OVCH1: variants seen among roughly 807,000 people sequenced by gnomAD.
OVCH1 encodes ovochymase 1.
A neutral mutation model predicts 138.4 loss-of-function variants in OVCH1; 139 were observed. That is an observed-to-expected ratio of 1.00 (90% CI 0.87 to 1.16). The LOEUF (loss-of-function observed/expected upper bound fraction) is 1.16. Among genes scored for constraint, OVCH1 ranks in the 50% most tolerant of loss-of-function variants. The pLI, the probability that OVCH1 is intolerant of heterozygous loss-of-function variation, is 0.00. For synonymous variants in OVCH1, 453 were observed against 467.8 expected, an observed-to-expected ratio of 0.97 and a Z score of 0.41; for missense variants, 1,367 against 1,357.9, an observed-to-expected ratio of 1.01 and a Z score of -0.11.
At chr12:29,486,217 TCAGCTTC>T (rs1177399824) in intron 8 of OVCH1, 26 bp downstream of exon 8, 2 of 1,567,764 alleles carry the variant, frequency 1.3e-6, no homozygotes, top group Non-Finnish European at 1.8e-6. Flanking sequence ...TTTCTTCAAG[TCAGCTTC>T]CTTCTCTAAT....
chr12:29,411,125 C>G (rs569068230), downstream of OVCH1, among the ~76,000 whole-genome samples: 1 of 99,644 alleles, frequency 1.0e-5, no homozygotes, highest in Non-Finnish European at 2.6e-5. Context: ...GCATTCTTCC[C>G]GTAGTTCTCG....
intron 4 of OVCH1, among the ~76,000 whole-genome samples, chr12:29,492,290 G>A (rs1180622260): frequency 6.6e-6 from 1 of 151,152 alleles, no homozygotes; most frequent in South Asian, 2.1e-4. Flanking sequence ...GGGGACAGTG[G>A]GAGGCCAGGA....
the OVCH1 span, among the ~76,000 whole-genome samples, chr12:29,407,218 A>T: frequency 7.2e-6 from 1 of 138,314 alleles, no homozygotes; most frequent in Admixed American, 7.3e-5. Flanking sequence ...CCTTTGTCAG[A>T]TGAGTAGGTT....
downstream of OVCH1, among the ~76,000 whole-genome samples, chr12:29,411,457 A>T (rs1370746068): frequency 6.6e-6 from 1 of 151,306 alleles, no homozygotes; most frequent in Non-Finnish European, 1.5e-5. Flanking sequence ...GTCTTTGATG[A>T]TGGGGATGTA....
At chr12:29,422,017 A>G (rs1206063401) in intron 3 of OVCH1, among the ~76,000 whole-genome samples, 2 of 152,248 alleles carry the variant, frequency 1.3e-5, no homozygotes, top group Admixed American at 6.5e-5. Flanking sequence ...AAATCATGCA[A>G]ACTCCTCAAA....
exon 15 of OVCH1, chr12:29,473,096 T>G: frequency 6.2e-7 from 1 of 1,603,614 alleles, no homozygotes; most frequent in African/African-American, 1.4e-5. Context: ...CAAATTTGTT[T>G]AAAGACTCTG....
At chr12:29,476,170 T>A (rs1211381651) in intron 13 of OVCH1, 36 bp downstream of exon 13, 5 of 1,544,552 alleles carry the variant, frequency 3.2e-6, no homozygotes, top group Middle Eastern at 1.7e-4. Context: ...CTGATTCGTC[T>A]AACACTTTCA....
chr12:29,488,765 T>C (rs1943191501), intron 6 of OVCH1, among the ~76,000 whole-genome samples: 1 of 152,122 alleles, frequency 6.6e-6, no homozygotes, highest in Admixed American at 6.5e-5. Flanking sequence ...GACAACATTG[T>C]GTCAGATTAA....
intron 4 of OVCH1, among the ~76,000 whole-genome samples, chr12:29,493,445 A>G (rs1029719964): frequency 6.6e-6 from 1 of 152,134 alleles, no homozygotes; most frequent in African/African-American, 2.4e-5. Context: ...ATCAATTATG[A>G]TCAATCCTCA....
intron 26 of OVCH1, among the ~76,000 whole-genome samples, chr12:29,436,658 G>T (rs928221482): frequency 6.6e-6 from 1 of 151,992 alleles, no homozygotes; most frequent in South Asian, 2.1e-4. Flanking sequence ...TCTTCCTTCC[G>T]GTGGGTTCAT....
chr12:29,471,301 G>T (rs1017446574), intron 16 of OVCH1, among the ~76,000 whole-genome samples: 1 of 152,122 alleles, frequency 6.6e-6, no homozygotes, highest in African/African-American at 2.4e-5. Context: ...CCCCAGTAGT[G>T]CAATAATCAA....
At chr12:29,467,980 A>C (rs745892791) in intron 16 of OVCH1, among the ~76,000 whole-genome samples, 5 of 152,198 alleles carry the variant, frequency 3.3e-5, no homozygotes, top group Admixed American at 6.6e-5. Flanking sequence ...ACACACTTCA[A>C]GGATTAGATT....
intron 27 of OVCH1, among the ~76,000 whole-genome samples, chr12:29,430,518 GGT>G (rs1941250067): frequency 2.0e-5 from 3 of 152,170 alleles, no homozygotes. Flanking sequence ...GAGGTTCCCA[GGT>G]CAATGGAGTT....
At chr12:29,439,259 TTA>T (rs1183950760) in intron 26 of OVCH1, 11 of 1,304,360 alleles carry the variant, frequency 8.4e-6, no homozygotes, top group Non-Finnish European at 9.9e-6. Flanking sequence ...GTCACTTCTC[TTA>T]TTTATTGTTC....
chr12:29,410,180 T>C (rs1940936796), downstream of OVCH1, among the ~76,000 whole-genome samples: 1 of 131,092 alleles, frequency 7.6e-6, no homozygotes, highest in Non-Finnish European at 1.8e-5. Flanking sequence ...CCTCCATCCC[T>C]TTATTTTTGA....
chr12:29,461,859 A>G (rs1942145345), exon 19 of OVCH1: 2 of 1,613,688 alleles, frequency 1.2e-6, no homozygotes, highest in Non-Finnish European at 1.7e-6. Flanking sequence ...CTCACCTGGC[A>G]GAAATCTTTC....
At chr12:29,411,456 G>A (rs1005523026), downstream of OVCH1, among the ~76,000 whole-genome samples, 1 of 151,862 alleles carries the variant, frequency 6.6e-6, no homozygotes, top group African/African-American at 2.4e-5. Context: ...GGTCTTTGAT[G>A]ATGGGGATGT....
At chr12:29,496,065 C>T (rs887257046) in intron 3 of OVCH1, 116 bp downstream of exon 3, 2 of 900,246 alleles carry the variant, frequency 2.2e-6, no homozygotes, top group Middle Eastern at 4.4e-4. Context: ...GGTGGGTACA[C>T]TGGGAGGCAA....
downstream of OVCH1, chr12:29,423,083 T>G (rs142944959): frequency 5.3e-6 from 2 of 373,886 alleles, no homozygotes; most frequent in African/African-American, 4.2e-5. Flanking sequence ...CTTCAAAGCT[T>G]ATGCAGTATC....
Sources: gnomAD v4.1 joint callset for allele counts (sites outside exome capture counted in the v4.1 genomes callset) on GRCh38, gnomAD v4.1.1 for gene constraint, MANE v1.5 for transcripts, NCBI Gene and HGNC (gene_info 2026-07-23, HGNC 2026-07-21) for gene names.